LRRC63: variants seen among roughly 807,000 people sequenced by gnomAD.
The protein encoded by LRRC63 is leucine-rich repeat-containing protein 63.
Under a neutral mutation model 49.5 loss-of-function variants are expected in LRRC63, and 40 were observed. That is an observed-to-expected ratio of 0.81 (90% CI 0.63 to 1.05). LRRC63 has a LOEUF of 1.05. Ranked by LOEUF, LRRC63 falls within the 50% of genes least tolerant of loss-of-function variation. LRRC63 has a pLI of 0.00. For synonymous variants in LRRC63, 191 were observed against 221.1 expected (o/e 0.86, Z 1.21); for missense variants, 636 against 663.1 (o/e 0.96, Z 0.45).
rs1566518770 is a variant in LRRC63 at position 46,276,849 on chromosome 13, TA to T, written c.*47del. ...GTGTGTATATATATATATATATATATATTTATATATATATATATTTATATAT... is the reference window on the plus strand; with the variant it reads ...GTGTGTATATATATATATATATATATTTTATATATATATATATTTATATAT... On this transcript the variant is annotated 3_prime_UTR_variant, in exon 10 of 10. Transcript: ENST00000595396. The T allele has an allele frequency of 7.3e-4, 106 of 145,954 alleles. 1 individual carries two copies. Among genetic ancestry groups the T allele is most frequent in the Middle Eastern group, 6.1e-3 (2 of 330 alleles). 9.0% of individuals were successfully genotyped at this position (145,954 alleles called of 1,614,324 possible). A position where few individuals can be genotyped will look rare whatever the true frequency, so the allele number is the denominator to read the frequency against.
Position 46,270,558 on chromosome 13 carries a change from T to C in LRRC63, c.1550+3586T>C, listed in dbSNP as rs749055403. ...AGTAAAAACATAACAGAAGGGTTACTGACACAAAAACGGTATGAAGAAGTC... is the reference window on the plus strand; with the variant it reads ...AGTAAAAACATAACAGAAGGGTTACCGACACAAAAACGGTATGAAGAAGTC... On this transcript the variant is annotated intron_variant, in intron 9 of 9. Coordinates refer to ENST00000595396, the Ensembl canonical transcript of LRRC63. 5.3e-5 allele frequency: 45 copies of C among 854,154 alleles called. No homozygotes were observed. In the African/African-American group the frequency reaches 7.0e-4, roughly 13 times the overall value. The allele number at this position is 854,154 out of a possible 1,614,324, so 52.9% of individuals were successfully genotyped here. A position where few individuals can be genotyped will look rare whatever the true frequency, so the allele number is the denominator to read the frequency against.
At chr13:46,255,645 A>AAAAAAAAAAAAAAAATATATATATATAT (rs1555328641) in intron 7 of LRRC63, among the ~76,000 whole-genome samples, 3 of 129,466 alleles carry the variant, frequency 2.3e-5, no homozygotes, top group African/African-American at 8.7e-5. Context: ...CCCTGCCTCA[A>AAAAAAAAAAAAAAAATATATATATATAT]ATATATATAT....
At chr13:46,273,911 CAA>C (rs34967125) in intron 9 of LRRC63, among the ~76,000 whole-genome samples, 277 of 100,726 alleles carry the variant, frequency 2.8e-3, no homozygotes, top group African/African-American at 5.9e-3. Flanking sequence ...GACTCTGTCT[CAA>C]AAAAAAAAAA....
intron 7 of LRRC63, among the ~76,000 whole-genome samples, chr13:46,252,204 C>T (rs2047401874): frequency 6.6e-6 from 1 of 151,966 alleles, no homozygotes; most frequent in African/African-American, 2.4e-5. Context: ...GGCACTTATA[C>T]AGTGAAGAAT....
chr13:46,228,772 T>G (rs2046654011), intron 4 of LRRC63, 39 bp downstream of exon 4: 5 of 1,332,934 alleles, frequency 3.8e-6, no homozygotes, highest in African/African-American at 1.5e-5. Context: ...AGAAAATGTA[T>G]GTAAGATTAT....
intron 9 of LRRC63, among the ~76,000 whole-genome samples, chr13:46,275,785 T>A (rs80285052): frequency 0.039 from 5,971 of 152,182 alleles, 380 homozygotes; most frequent in African/African-American, 0.14. Flanking sequence ...TGCAGTGCAG[T>A]AGGTTTTTAA....
At chr13:46,216,867 G>T (rs2046266091) in intron 2 of LRRC63, among the ~76,000 whole-genome samples, 1 of 152,138 alleles carries the variant, frequency 6.6e-6, no homozygotes, top group African/African-American at 2.4e-5. Flanking sequence ...TAATTATGTG[G>T]TTTTTGTCAT....
chr13:46,252,788 A>G (rs2047417364), intron 7 of LRRC63, among the ~76,000 whole-genome samples: 1 of 152,042 alleles, frequency 6.6e-6, no homozygotes, highest in Admixed American at 6.6e-5. Context: ...AGCAGCATAT[A>G]TAACATGAGA....
At chr13:46,255,093 A>T (rs1044637536) in intron 7 of LRRC63, among the ~76,000 whole-genome samples, 2 of 152,192 alleles carry the variant, frequency 1.3e-5, no homozygotes, top group Non-Finnish European at 2.9e-5. Context: ...TGAAAACAGA[A>T]TGAAATGCTA....
chr13:46,219,748 T>C (rs1158002930), intron 2 of LRRC63, among the ~76,000 whole-genome samples: 1 of 152,224 alleles, frequency 6.6e-6, no homozygotes, highest in African/African-American at 2.4e-5. Context: ...TTATCTACCT[T>C]TGGTCTTTGA....
chr13:46,259,222 T>C (rs1302855433), intron 7 of LRRC63, among the ~76,000 whole-genome samples: 1 of 152,168 alleles, frequency 6.6e-6, no homozygotes, highest in African/African-American at 2.4e-5. Context: ...AACTCTCTTA[T>C]AAAATGAAGA....
intron 7 of LRRC63, among the ~76,000 whole-genome samples, chr13:46,252,183 C>T (rs1050520363): frequency 4.9e-4 from 74 of 151,910 alleles, no homozygotes; most frequent in African/African-American, 1.6e-3. Context: ...TCAATGAAAA[C>T]TCACCAGGAG....
chr13:46,250,234 T>C (rs2047340532), intron 6 of LRRC63, 121 bp from the exon 7 acceptor site: 2 of 858,458 alleles, frequency 2.3e-6, no homozygotes, highest in South Asian at 2.0e-5. Flanking sequence ...TTACATGATA[T>C]AGCCAATTAA....
At chr13:46,230,292 G>T (rs2046710073) in intron 4 of LRRC63, among the ~76,000 whole-genome samples, 1 of 152,170 alleles carries the variant, frequency 6.6e-6, no homozygotes. Flanking sequence ...GACAAGGCAT[G>T]TCCCTTTGTA....
At chr13:46,215,408 CTTCTT>C (rs1341809600) in intron 2 of LRRC63, among the ~76,000 whole-genome samples, 1 of 151,948 alleles carries the variant, frequency 6.6e-6, no homozygotes, top group African/African-American at 2.4e-5. Context: ...ATGTAAATGT[CTTCTT>C]TTAAGAAGTG....
At chr13:46,262,518 T>C (rs2047629291) in intron 8 of LRRC63, among the ~76,000 whole-genome samples, 1 of 152,172 alleles carries the variant, frequency 6.6e-6, no homozygotes, top group Admixed American at 6.5e-5. Flanking sequence ...CAGATCATTT[T>C]GTATAATTTC....
At chr13:46,264,995 A>G (rs2047663752) in intron 8 of LRRC63, among the ~76,000 whole-genome samples, 1 of 152,074 alleles carries the variant, frequency 6.6e-6, no homozygotes, top group South Asian at 2.1e-4. Flanking sequence ...CGTCTCTACT[A>G]AAAAGACGAA....
chr13:46,265,087 G>A (rs965246600), intron 8 of LRRC63, among the ~76,000 whole-genome samples: 2 of 152,060 alleles, frequency 1.3e-5, no homozygotes, highest in Admixed American at 1.3e-4. Flanking sequence ...TTGAACCCAG[G>A]GGGCAGAGCT....
intron 9 of LRRC63, among the ~76,000 whole-genome samples, chr13:46,275,913 G>C (rs1274919391): frequency 2.6e-5 from 4 of 152,128 alleles, no homozygotes; most frequent in South Asian, 4.1e-4. Flanking sequence ...TTTTCTTCCA[G>C]TGGTTTTATA....
Sources: gnomAD v4.1 joint callset for allele counts (sites outside exome capture counted in the v4.1 genomes callset) on GRCh38, gnomAD v4.1.1 for gene constraint, MANE v1.5 for transcripts, NCBI Gene and HGNC (gene_info 2026-07-23, HGNC 2026-07-21) for gene names.